The following COX19 variants were observed in gnomAD, a reference collection of about 807,000 sequenced individuals.
COX19 encodes cytochrome c oxidase assembly protein COX19.
In COX19, 8 loss-of-function variants were observed where a neutral mutation model predicts 6.8. That is an observed-to-expected ratio of 1.18 (90% CI 0.69 to 2.12). The LOEUF is 2.12. Among genes scored for constraint, COX19 ranks in the 30% most tolerant of loss-of-function variants. COX19 has a pLI of 0.00. For missense variants in COX19, 131 were observed against 104.6 expected (o/e 1.25, Z -1.10); for synonymous variants, 51 against 38.0 (o/e 1.34, Z -1.26).
At chr7:975,287 G>C in intron 1 of COX19, 141 bp downstream of exon 1, 1 of 621,922 alleles carries the variant, frequency 1.6e-6, no homozygotes, top group Non-Finnish European at 2.7e-6. Flanking sequence ...CCAGGGCTGG[G>C]TGGGGCGGAG....
rs1358370761 is a variant in COX19, at chr7:965,435, G to C, written c.*3943C>G. ...ACATTCAGGCCATGCAGTTGGGCAA[G>C]AGAACCAGAGGTGATACCGTGCCCT... On this transcript the variant is annotated 3_prime_UTR_variant, in exon 3 of 3. Coordinates refer to ENST00000344111, the MANE Select transcript of COX19 (RefSeq NM_001031617.3). Among the ~76,000 whole-genome samples, 1 of 152,238 alleles carries C rather than the reference G, an allele frequency of 6.6e-6. No homozygotes were observed. Among genetic ancestry groups the C allele is most frequent in the African/African-American group, 2.4e-5 (1 of 41,466 alleles).
In COX19 at chr7:966,398, C is replaced by A. The variant is rs1193725237; in HGVS notation, c.*2980G>T. The A allele has an allele frequency of 6.6e-6, 1 of 152,288 alleles. No homozygotes were observed. Among genetic ancestry groups the A allele is most frequent in the Admixed American group, 6.5e-5 (1 of 15,276 alleles). 9.4% of individuals were successfully genotyped at this position (152,288 alleles called of 1,614,324 possible). A position where few individuals can be genotyped will look rare whatever the true frequency, so the allele number is the denominator to read the frequency against. The stretch of plus-strand genomic sequence containing the variant: ...TGAACTCCTAGCCTCAAGTGATCCT[C>A]CCACCTTGGCCTCCTAAAGTGCTGG... On this transcript the variant is annotated 3_prime_UTR_variant, in exon 3 of 3. Transcript: ENST00000344111.
intron 2 of COX19, 45 bp downstream of exon 2, chr7:973,136 T>C (rs755589929): frequency 1.5e-5 from 20 of 1,345,140 alleles, no homozygotes; most frequent in South Asian, 4.9e-5. Flanking sequence ...AAAGTTTTAA[T>C]TGGAGTAGTG....
Position 969,358 on chromosome 7 carries a change from A to G in COX19, c.*20T>C. On this transcript the variant is annotated 3_prime_UTR_variant, in exon 3 of 3. Transcript: ENST00000344111. ...CCTGAGAGACCACTGAACACGGCCC[A>G]GGGGTCTTCTCATCAAAATTCATTT... 6 of 1,520,680 alleles carry G rather than the reference A, an allele frequency of 3.9e-6. No individual in the cohort carries two copies. Among genetic ancestry groups the G allele is most frequent in the East Asian group, 2.3e-5 (1 of 44,444 alleles). 94.2% of individuals were successfully genotyped at this position (1,520,680 alleles called of 1,614,324 possible). A position where few individuals can be genotyped will look rare whatever the true frequency, so the allele number is the denominator to read the frequency against.
rs1847528907 is a variant in COX19, at chr7:964,922, T to C, written c.*4456A>G. Among the ~76,000 whole-genome samples, 1 of 152,244 alleles carries C rather than the reference T, an allele frequency of 6.6e-6. No homozygotes were observed. Among genetic ancestry groups the C allele is most frequent in the Non-Finnish European group, 1.5e-5 (1 of 68,046 alleles). Reference sequence around the variant, plus strand: ...AGCGTCTATGAGAAATAAAATGCATTCTGCACATGACAGATGATGAACTAC... The same window carrying C: ...AGCGTCTATGAGAAATAAAATGCATCCTGCACATGACAGATGATGAACTAC... On this transcript the variant is annotated 3_prime_UTR_variant, in exon 3 of 3. Coordinates refer to ENST00000344111, the MANE Select transcript of COX19 (RefSeq NM_001031617.3).
chr7:965,802 C>A lies in COX19; in HGVS notation c.*3576G>T, dbSNP rs1319223236. Among the ~76,000 whole-genome samples, 1 of 152,186 alleles carries A rather than the reference C, an allele frequency of 6.6e-6. No homozygotes were observed. Among genetic ancestry groups the A allele is most frequent in the East Asian group, 1.9e-4 (1 of 5,192 alleles). On this transcript the variant is annotated 3_prime_UTR_variant, in exon 3 of 3. Transcript: ENST00000344111. ...TACAGACACACGCCACCAGCCCCAG[C>A]TAATTTTTGTATTTTTAGTAGAGAC... is the stretch of plus-strand genomic sequence containing the variant.
At chr7:972,826 G>A (rs1847653871) in intron 2 of COX19, 1 of 159,102 alleles carries the variant, frequency 6.3e-6, no homozygotes, top group Non-Finnish European at 1.4e-5. Flanking sequence ...GAATGCAAAA[G>A]AAAGAAACTG....
chr7:971,803 G>A (rs1246288716), intron 2 of COX19, among the ~76,000 whole-genome samples: 3 of 152,204 alleles, frequency 2.0e-5, no homozygotes, highest in African/African-American at 4.8e-5. Flanking sequence ...CCCGGGAGGC[G>A]GAGCTTGCAG....
In COX19 at chr7:969,305, A is replaced by G; in HGVS notation, c.*73T>C. ...GGACACCACACGCAGGCCTCAGCCA[A>G]CCTAAGAGGCAGGATGATGCCCTCC... On this transcript the variant is annotated 3_prime_UTR_variant, in exon 3 of 3. Transcript: ENST00000344111. 3 of 962,582 alleles carry G rather than the reference A, an allele frequency of 3.1e-6. No homozygotes were observed. The highest frequency in any genetic ancestry group is 2.6e-5 in the South Asian group (2 of 76,954). 59.6% of individuals were successfully genotyped at this position (962,582 alleles called of 1,614,324 possible).
intron 2 of COX19, 109 bp from the exon 3 acceptor site, chr7:969,565 T>A (rs1046646713): frequency 2.6e-6 from 2 of 756,294 alleles, no homozygotes; most frequent in African/African-American, 3.5e-5. Context: ...CACCTCCATC[T>A]ATGTCCTGGG....
In COX19 at chr7:968,786, A is replaced by G. The variant is rs1847594485; in HGVS notation, c.*592T>C. ...TGAAATTAAATACCCAACTTTATAA[A>G]TACGGTCTGATACAAACCAGAAAAT... On this transcript the variant is annotated 3_prime_UTR_variant, in exon 3 of 3. Coordinates refer to ENST00000344111, the MANE Select transcript of COX19 (RefSeq NM_001031617.3). The G allele has an allele frequency of 6.6e-6, 1 of 152,250 alleles. No individual in the cohort carries two copies. The highest frequency in any genetic ancestry group is 2.1e-4 in the South Asian group (1 of 4,834). 9.4% of individuals were successfully genotyped at this position (152,250 alleles called of 1,614,324 possible). A position where few individuals can be genotyped will look rare whatever the true frequency, so the allele number is the denominator to read the frequency against.
At chr7:972,714 T>A (rs920557257) in intron 2 of COX19, 1 of 152,352 alleles carries the variant, frequency 6.6e-6, no homozygotes, top group Non-Finnish European at 1.5e-5. Context: ...GGAAGAATCA[T>A]TCATCTTTCA....
At position 969,340 on chromosome 7, in the gene COX19, G is replaced by T; in HGVS notation, c.*38C>A. Reference sequence around the variant, plus strand: ...CAGGATGATGCCCTCCGTCCTGAGAGACCACTGAACACGGCCCAGGGGTCT... The same window carrying T: ...CAGGATGATGCCCTCCGTCCTGAGATACCACTGAACACGGCCCAGGGGTCT... On this transcript the variant is annotated 3_prime_UTR_variant, in exon 3 of 3. Coordinates refer to ENST00000344111, the MANE Select transcript of COX19 (RefSeq NM_001031617.3). The T allele has an allele frequency of 7.7e-7, 1 of 1,298,838 alleles. No homozygotes were observed. Among genetic ancestry groups the T allele is most frequent in the Non-Finnish European group, 1.1e-6 (1 of 892,562 alleles). 80.5% of individuals were successfully genotyped at this position (1,298,838 alleles called of 1,614,324 possible).
At position 965,492 on chromosome 7, in the gene COX19, C is replaced by T. The variant is rs1173076048; in HGVS notation, c.*3886G>A. On this transcript the variant is annotated 3_prime_UTR_variant, in exon 3 of 3. Coordinates refer to ENST00000344111, the MANE Select transcript of COX19 (RefSeq NM_001031617.3). Reference sequence around the variant, plus strand: ...CGCCCCCAGGTCGGTGCGGCCTGTGCGGCTCGCTCCCGGCGGTGGCTGCTG... The same window carrying T: ...CGCCCCCAGGTCGGTGCGGCCTGTGTGGCTCGCTCCCGGCGGTGGCTGCTG... Among the ~76,000 whole-genome samples, 1 of 152,184 alleles carries T rather than the reference C, an allele frequency of 6.6e-6. No homozygotes were observed. Among genetic ancestry groups the T allele is most frequent in the South Asian group, 2.1e-4 (1 of 4,826 alleles).
intron 2 of COX19, among the ~76,000 whole-genome samples, chr7:969,955 T>C (rs1240156298): frequency 3.9e-5 from 5 of 126,968 alleles, no homozygotes; most frequent in Non-Finnish European, 8.4e-5. Flanking sequence ...AGTTATCTGA[T>C]ATTTTTTTTT....
At chr7:972,901 T>C (rs1405704265) in intron 2 of COX19, 1 of 209,876 alleles carries the variant, frequency 4.8e-6, no homozygotes, top group Non-Finnish European at 9.4e-6. Context: ...GAAACCTTAA[T>C]GACAGGTCGG....
In COX19 at chr7:975,431, A is replaced by C; in HGVS notation, c.79T>G (p.Leu27Val). 1 of 1,593,624 alleles carries C rather than the reference A, an allele frequency of 6.3e-7. No individual in the cohort carries two copies. The highest frequency in any genetic ancestry group is 1.1e-5 in the South Asian group (1 of 88,330). ...PDKGSFPLDH[L>V]GECKSFKEKF... is the part of the protein sequence containing the mutation. ...CCGCCGACCTTCCGCCGCTCACCTA[A>C]GTGATCCAGCGGGAAGCTGCCCTTG... Residue 27 changes from leucine to valine, a missense_variant, in exon 1 of 3, where the codon TTA becomes GTA. By Grantham distance (32) the Leu-to-Val change is conservative (BLOSUM62 1). Coordinates refer to ENST00000344111, the MANE Select transcript of COX19 (RefSeq NM_001031617.3).
At chr7:969,491 G>T (rs539961158) in intron 2 of COX19, 35 bp from the exon 3 acceptor site, 97 of 1,398,560 alleles carry the variant, frequency 6.9e-5, no homozygotes, top group Non-Finnish European at 8.5e-5. Flanking sequence ...AGGGCGGGAG[G>T]TGCAGAGAGG....
Position 973,000 on chromosome 7 carries a change from C to T in COX19, c.194+181G>A, listed in dbSNP as rs112072179. ...AGAAGAGGTTCCCAAGATTGTGAAACAGCTTTTGGTACAATTTCATCTGAT... is the reference window on the plus strand; with the variant it reads ...AGAAGAGGTTCCCAAGATTGTGAAATAGCTTTTGGTACAATTTCATCTGAT... On this transcript the variant is annotated intron_variant, in intron 2 of 2. Transcript: ENST00000344111. 6.6e-3 allele frequency: 2,522 copies of T among 384,648 alleles called. 43 individuals carry two copies. The highest frequency in any genetic ancestry group is 0.039 in the African/African-American group (1,891 of 48,086). 23.8% of individuals were successfully genotyped at this position (384,648 alleles called of 1,614,324 possible). A position where few individuals can be genotyped will look rare whatever the true frequency, so the allele number is the denominator to read the frequency against.
Sources: allele counts gnomAD v4.1 joint callset (sites outside exome capture counted in the v4.1 genomes callset), GRCh38; gene constraint gnomAD v4.1.1; transcripts MANE v1.5; gene names NCBI Gene and HGNC (gene_info 2026-07-23, HGNC 2026-07-21).